Variants in PDK1 observed in about 807,000 individuals in gnomAD.
PDK1 encodes the protein pyruvate dehydrogenase kinase 1, also known as [Pyruvate dehydrogenase (acetyl-transferring)] kinase isozyme 1, mitochondrial.
Under a neutral mutation model 54.2 loss-of-function variants are expected in PDK1, and 39 were observed. That is an observed-to-expected ratio of 0.72 (90% CI 0.56 to 0.94). The LOEUF (loss-of-function observed/expected upper bound fraction) is 0.94. Among genes scored for constraint, PDK1 ranks in the 40% least tolerant of loss-of-function variants. The pLI is 0.00. For missense variants in PDK1, 552 were observed against 566.0 expected (o/e 0.98, Z 0.25); for synonymous variants, 221 against 207.1 (o/e 1.07, Z -0.58).
chr2:172,577,386 C>T (rs1165809147), intron 8 of PDK1, among the ~76,000 whole-genome samples: 1 of 151,948 alleles, frequency 6.6e-6, no homozygotes, highest in African/African-American at 2.4e-5. Flanking sequence ...ACCATTCTGC[C>T]AATGTCCACC....
rs1338220241 is a variant in PDK1, at chr2:172,598,217, TACA to T, written c.*2252_*2254del. 6.6e-5 allele frequency: 10 copies of T among 152,262 alleles called. No individual in the cohort carries two copies. The highest frequency in any genetic ancestry group is 7.2e-5 in the African/African-American group (3 of 41,476). The allele number at this position is 152,262 out of a possible 1,614,324, so 9.4% of individuals were successfully genotyped here. ...ATTTGTTTCCTAAATGAAACATTTG[TACA>T]ACATTTGATGTTTTTACTTATGAAA... On this transcript the variant is annotated 3_prime_UTR_variant, in exon 11 of 11. Coordinates refer to ENST00000282077, the MANE Select transcript of PDK1 (RefSeq NM_002610.5).
At chr2:172,622,259 T>TTATGTGAGATATGTTTATATCTCA in the PDK1 span, among the ~76,000 whole-genome samples, 1 of 141,824 alleles carries the variant, frequency 7.1e-6, no homozygotes, top group Non-Finnish European at 1.5e-5. Flanking sequence ...ATATCTCATA[T>TTATGTGAGATATGTTTATATCTCA]TATGTGAGAT....
chr2:172,661,506 A>T, the PDK1 span, among the ~76,000 whole-genome samples: 3 of 152,178 alleles, frequency 2.0e-5, no homozygotes, highest in African/African-American at 4.8e-5. Context: ...CAGCCATGAA[A>T]TCAGCTGCGG....
chr2:172,663,080 C>T, the PDK1 span, among the ~76,000 whole-genome samples: 1 of 152,204 alleles, frequency 6.6e-6, no homozygotes, highest in East Asian at 1.9e-4. Context: ...GTGGTTTCAA[C>T]AGCAGAAATG....
intron 8 of PDK1, among the ~76,000 whole-genome samples, chr2:172,578,438 A>G (rs1012257518): frequency 6.6e-6 from 1 of 152,142 alleles, no homozygotes; most frequent in Non-Finnish European, 1.5e-5. Flanking sequence ...CACCTTTGCT[A>G]AATGTTGATG....
chr2:172,693,579 T>G, the PDK1 span, among the ~76,000 whole-genome samples: 14 of 152,276 alleles, frequency 9.2e-5, no homozygotes, highest in Non-Finnish European at 1.9e-4. Flanking sequence ...TTCTATGGCA[T>G]TAGAGTAGCT....
At chr2:172,590,559 T>C (rs1027218583) in intron 9 of PDK1, among the ~76,000 whole-genome samples, 1 of 152,228 alleles carries the variant, frequency 6.6e-6, no homozygotes, top group African/African-American at 2.4e-5. Context: ...ATGGTCTCGC[T>C]GACTTCAGGA....
At chr2:172,677,966 C>T in the PDK1 span, among the ~76,000 whole-genome samples, 1 of 152,184 alleles carries the variant, frequency 6.6e-6, no homozygotes, top group Non-Finnish European at 1.5e-5. Flanking sequence ...GTCAGGAGTT[C>T]GAGACCAGCC....
the PDK1 span, among the ~76,000 whole-genome samples, chr2:172,626,968 A>G: frequency 6.6e-6 from 1 of 152,198 alleles, no homozygotes; most frequent in Non-Finnish European, 1.5e-5. Flanking sequence ...CAATTTCTAC[A>G]GAAAAGAAAA....
chr2:172,645,632 AAG>A, the PDK1 span, among the ~76,000 whole-genome samples: 1 of 152,164 alleles, frequency 6.6e-6, no homozygotes. Context: ...CCACTACTGA[AAG>A]AGGATGGTTG....
the PDK1 span, among the ~76,000 whole-genome samples, chr2:172,684,751 T>G: frequency 2.6e-5 from 4 of 152,190 alleles, no homozygotes; most frequent in Admixed American, 2.0e-4. Flanking sequence ...CTTCCTCCCC[T>G]TCACCCCATG....
chr2:172,621,390 T>C, the PDK1 span, among the ~76,000 whole-genome samples: 381 of 152,214 alleles, frequency 2.5e-3, 11 homozygotes, highest in East Asian at 0.067. Context: ...TCTCCTATGC[T>C]GGATGCTTCC....
the PDK1 span, among the ~76,000 whole-genome samples, chr2:172,634,137 C>T: frequency 6.6e-6 from 1 of 151,242 alleles, no homozygotes; most frequent in South Asian, 2.1e-4. Context: ...CTCAGCCTCC[C>T]AAAGTGCTGG....
rs1688836943 is a variant in PDK1 at position 172,564,652 on chromosome 2, G to C, written c.560G>C (p.Ser187Thr). 3.7e-6 allele frequency: 6 copies of C among 1,613,992 alleles called. No homozygotes were observed. Among genetic ancestry groups the C allele is most frequent in the Non-Finnish European group, 8.5e-7 (1 of 1,179,998 alleles). The change falls in exon 4 of 11, where the codon AGT becomes ACT. Residue 187 changes from serine (S) to threonine (T), a missense_variant. Physicochemically the swap from Ser to Thr is moderately conservative, Grantham distance 58. Coordinates refer to ENST00000282077, the MANE Select transcript of PDK1 (RefSeq NM_002610.5). ...TACTTTTTGGATCGATTCTACATGA[G>C]TCGCATTTCAATTAGAATGTTACTC... ...VQYFLDRFYMSRISIRMLLNQ... is the reference protein window; with the variant it reads ...VQYFLDRFYMTRISIRMLLNQ...
chr2:172,569,181 G>A (rs143390936), intron 7 of PDK1, among the ~76,000 whole-genome samples: 22 of 152,208 alleles, frequency 1.4e-4, no homozygotes, highest in South Asian at 1.2e-3. Flanking sequence ...CAGTACAGTG[G>A]CAACGTATTA....
At chr2:172,611,081 C>T (rs1486165343), downstream of PDK1, among the ~76,000 whole-genome samples, 8 of 128,624 alleles carry the variant, frequency 6.2e-5, no homozygotes, top group Admixed American at 4.5e-4. Context: ...GTTTTGGTAG[C>T]GTATAAAGCC....
rs766647653 is a variant in PDK1 at position 172,597,062 on chromosome 2, G to C, written c.*1093G>C. The C allele has an allele frequency of 3.3e-5, 5 of 151,818 alleles. No homozygotes were observed. Among genetic ancestry groups the C allele is most frequent in the Non-Finnish European group, 7.4e-5 (5 of 67,974 alleles). The allele number at this position is 151,818 out of a possible 1,614,324, so 9.4% of individuals were successfully genotyped here. On this transcript the variant is annotated 3_prime_UTR_variant, in exon 11 of 11. Coordinates refer to ENST00000282077, the MANE Select transcript of PDK1 (RefSeq NM_002610.5). ...TAGAAGCAGAAGAACAAAATGCCAC[G>C]TAACCAAAGCATCAGAGCCATCATT...
chr2:172,675,061 G>A, the PDK1 span, among the ~76,000 whole-genome samples: 1 of 152,168 alleles, frequency 6.6e-6, no homozygotes, highest in African/African-American at 2.4e-5. Flanking sequence ...ATAGTAATTG[G>A]GGAACCACGA....
the PDK1 span, among the ~76,000 whole-genome samples, chr2:172,676,357 C>T: frequency 5.2e-4 from 79 of 152,272 alleles, no homozygotes; most frequent in East Asian, 0.015. Context: ...AAAGGATTCA[C>T]TATTCTAGGT....
Sources: gnomAD v4.1 joint callset for allele counts (sites outside exome capture counted in the v4.1 genomes callset) on GRCh38, gnomAD v4.1.1 for gene constraint, MANE v1.5 for transcripts, NCBI Gene and HGNC (gene_info 2026-07-23, HGNC 2026-07-21) for gene names.